CCDC57: variants seen among roughly 807,000 people sequenced by gnomAD.
The protein encoded by CCDC57 is coiled-coil domain-containing protein 57.
A neutral mutation model predicts 118.9 loss-of-function variants in CCDC57; 118 were observed. The ratio of observed to expected loss-of-function variants is 0.99; its 90% CI spans 0.86 to 1.16. CCDC57 has a LOEUF of 1.16. CCDC57 is among the 50% of genes most tolerant of loss of function. The pLI is 0.00. For synonymous variants in CCDC57, 527 were observed against 532.9 expected (o/e 0.99, Z 0.15); for missense variants, 1,300 against 1,320.7 (o/e 0.98, Z 0.24).
chr17:82,158,062 G>T (rs1275030089), intron 14 of CCDC57, 114 bp from the exon 14 acceptor site: 57 of 1,452,114 alleles, frequency 3.9e-5, no homozygotes, highest in Non-Finnish European at 4.9e-5. Flanking sequence ...GGAGCCCGGG[G>T]TCAGGGCCTC....
At chr17:82,197,860 C>A (rs1240222790) in intron 4 of CCDC57, among the ~76,000 whole-genome samples, 2 of 152,188 alleles carry the variant, frequency 1.3e-5, no homozygotes, top group Admixed American at 1.3e-4. Flanking sequence ...GCATCTTGGG[C>A]CTTCAGAGCT....
intron 7 of CCDC57, among the ~76,000 whole-genome samples, chr17:82,190,719 A>AT (rs1228361420): frequency 5.3e-5 from 8 of 149,968 alleles, no homozygotes; most frequent in African/African-American, 2.0e-4. Flanking sequence ...AAAAAAAAAA[A>AT]TCTTTTGATA....
At chr17:82,127,286 AC>A in intron 19 of CCDC57, 2 of 985,140 alleles carry the variant, frequency 2.0e-6, no homozygotes, top group Middle Eastern at 5.2e-4. Context: ...GCTGGGGTCG[AC>A]CTGGCTCTTC....
intron 8 of CCDC57, 42 bp from the exon 8 acceptor site, chr17:82,183,974 A>G: frequency 2.0e-6 from 3 of 1,511,288 alleles, no homozygotes; most frequent in Non-Finnish European, 2.7e-6. Flanking sequence ...GTTCTCACTC[A>G]CTAAAGTTGT....
intron 13 of CCDC57, among the ~76,000 whole-genome samples, chr17:82,169,395 C>A (rs1317658322): frequency 6.6e-6 from 1 of 152,214 alleles, no homozygotes; most frequent in Non-Finnish European, 1.5e-5. Context: ...TCCCAAAGTG[C>A]TGGGATTACA....
At chr17:82,115,792 C>CTTTTTTTT (rs35213711) in intron 19 of CCDC57, among the ~76,000 whole-genome samples, 2 of 65,682 alleles carry the variant, frequency 3.0e-5, no homozygotes, top group Non-Finnish European at 5.7e-5. Context: ...TTTATGCAAC[C>CTTTTTTTT]TTTTTTTTTT....
chr17:82,113,382 C>T (rs769007819), intron 19 of CCDC57: 2 of 717,370 alleles, frequency 2.8e-6, no homozygotes, highest in Non-Finnish European at 5.2e-6. Context: ...CTCTCAGTCA[C>T]AGCTTGTCCT....
In CCDC57 at chr17:82,192,729, G is replaced by C. The variant is rs147677043; in HGVS notation, c.851+1027C>G. On this transcript the variant is annotated intron_variant, in intron 7 of 19. Coordinates refer to ENST00000665763, the Ensembl canonical transcript of CCDC57. The surrounding 1 kb of genome is among the most constrained non-coding windows in gnomAD (Gnocchi z 4.0). ...GCACAACCCTCTCTCGCTGCCACCA[G>C]TAGGGTCTGCAGAGCAGGCTGGAAA... 3.3e-5 allele frequency among the ~76,000 whole-genome samples: 5 copies of C among 152,338 alleles called. No homozygotes were observed. The highest frequency in any genetic ancestry group is 6.5e-5 in the Admixed American group (1 of 15,298).
At chr17:82,139,325 G>A (rs1325402518) in intron 16 of CCDC57, among the ~76,000 whole-genome samples, 2 of 148,732 alleles carry the variant, frequency 1.3e-5, no homozygotes, top group African/African-American at 4.9e-5. Context: ...CCATGGCCAT[G>A]TGCAGTCTTT....
chr17:82,206,188 A>G (rs1248487740), intron 2 of CCDC57, among the ~76,000 whole-genome samples: 1 of 152,260 alleles, frequency 6.6e-6, no homozygotes, highest in Non-Finnish European at 1.5e-5. Flanking sequence ...AGCTCCCAGC[A>G]GGGGCTGGAA....
chr17:82,143,190 T>G (rs1372033159), intron 16 of CCDC57, among the ~76,000 whole-genome samples: 1 of 149,488 alleles, frequency 6.7e-6, no homozygotes. Flanking sequence ...ATAGAGACAA[T>G]GATTACACTG....
chr17:82,144,191 T>TC (rs2040404006), intron 16 of CCDC57, among the ~76,000 whole-genome samples: 1 of 152,090 alleles, frequency 6.6e-6, no homozygotes, highest in Non-Finnish European at 1.5e-5. Flanking sequence ...GCATCTGTAG[T>TC]CCCAGCTACT....
chr17:82,115,764 T>C (rs2035805610), intron 19 of CCDC57, among the ~76,000 whole-genome samples: 1 of 148,776 alleles, frequency 6.7e-6, no homozygotes, highest in African/African-American at 2.5e-5. Context: ...GGAGACTCTG[T>C]CTCAAAAATA....
chr17:82,110,322 AAG>A (rs2035156000), intron 19 of CCDC57, among the ~76,000 whole-genome samples: 1 of 152,046 alleles, frequency 6.6e-6, no homozygotes, highest in African/African-American at 2.4e-5. Flanking sequence ...ATGCAGAAAA[AAG>A]AAAAAAATAA....
At chr17:82,191,292 TGC>T (rs1415526682) in intron 7 of CCDC57, among the ~76,000 whole-genome samples, 1 of 151,910 alleles carries the variant, frequency 6.6e-6, no homozygotes, top group Non-Finnish European at 1.5e-5. Flanking sequence ...GAAGAAGCAG[TGC>T]CAGAAAAGAA....
chr17:82,183,913 T>C, exon 9 of CCDC57: 1 of 1,613,742 alleles, frequency 6.2e-7, no homozygotes, highest in Middle Eastern at 1.6e-4. Flanking sequence ...GATTTTACAG[T>C]TGATGCATCT....
chr17:82,103,540 G>A (rs1437948668), intron 19 of CCDC57, among the ~76,000 whole-genome samples: 1 of 152,220 alleles, frequency 6.6e-6, no homozygotes, highest in Non-Finnish European at 1.5e-5. Context: ...TTCCTGCGGG[G>A]AAGCTGGTCC....
chr17:82,151,902 A>G (rs7502533), intron 15 of CCDC57, 129 bp from the exon 15 acceptor site: 333,991 of 709,986 alleles, frequency 0.47, 84,595 homozygotes, highest in East Asian at 0.89. Flanking sequence ...ACTGGGTGAC[A>G]TCCTTCCAAA....
At chr17:82,145,040 T>TTTTTA (rs2040524720) in intron 16 of CCDC57, among the ~76,000 whole-genome samples, 1 of 124,722 alleles carries the variant, frequency 8.0e-6, no homozygotes. Context: ...TTTTTTTTTT[T>TTTTTA]GAGACAGAGT....
Sources: allele counts gnomAD v4.1 joint callset (sites outside exome capture counted in the v4.1 genomes callset), GRCh38; gene constraint gnomAD v4.1.1; non-coding constraint Gnocchi (gnomAD v3.1); transcripts MANE v1.5; gene names NCBI Gene and HGNC (gene_info 2026-07-23, HGNC 2026-07-21).